The following GNL2 variants were observed in gnomAD, a reference collection of about 807,000 sequenced individuals.
GNL2 encodes G protein nucleolar 2, also known as nucleolar GTP-binding protein 2.
In GNL2, 51 loss-of-function variants were observed where a neutral mutation model predicts 92.3. The ratio of observed to expected loss-of-function variants is 0.55; its 90% CI spans 0.44 to 0.70. GNL2 has a LOEUF of 0.70. Ranked by LOEUF, GNL2 falls within the 30% of genes least tolerant of loss-of-function variation. The pLI is 0.00. For synonymous variants in GNL2, 283 were observed against 300.6 expected (o/e 0.94, Z 0.61); for missense variants, 844 against 895.6 (o/e 0.94, Z 0.74).
At chr1:37,582,511 C>G (rs931697584) in intron 7 of GNL2, among the ~76,000 whole-genome samples, 175 bp from the exon 8 acceptor site, 2 of 152,202 alleles carry the variant, frequency 1.3e-5, no homozygotes, top group Non-Finnish European at 2.9e-5. Context: ...CTTTGTTCTT[C>G]TGTCTTATAA....
chr1:37,573,728 G>C (rs1338095795), intron 12 of GNL2, among the ~76,000 whole-genome samples: 1 of 152,140 alleles, frequency 6.6e-6, no homozygotes, highest in Non-Finnish European at 1.5e-5. Context: ...CTTTTTCCAA[G>C]GCCCTAAAGG....
At chr1:37,574,983 G>C (rs111712310) in intron 10 of GNL2, among the ~76,000 whole-genome samples, 160 bp from the exon 11 acceptor site, 3,063 of 152,298 alleles carry the variant, frequency 0.02, 38 homozygotes, top group Non-Finnish European at 0.028. Context: ...ATGGTCAGCT[G>C]CAAGGAGCAC....
chr1:37,578,056 G>C (rs1202544711), intron 8 of GNL2, among the ~76,000 whole-genome samples: 1 of 152,180 alleles, frequency 6.6e-6, no homozygotes. Flanking sequence ...TAGAGCTAGA[G>C]ATTGAAAGAT....
Position 37,583,853 on chromosome 1 carries a change from T to C in GNL2, c.636+14A>G. 1.4e-6 allele frequency: 2 copies of C among 1,455,030 alleles called. No individual in the cohort carries two copies. The highest frequency in any genetic ancestry group is 1.9e-6 in the Non-Finnish European group (2 of 1,034,380). 90.1% of individuals were successfully genotyped at this position (1,455,030 alleles called of 1,614,324 possible). On this transcript the variant is annotated intron_variant, in intron 6 of 15. Transcript: ENST00000373062. ...CAAGGAACCACTCAATGGGAGAGAA[T>C]TTAGGAGTCTTACCTTGTAGAGCTC...
At chr1:37,586,795 G>A (rs993836496) in intron 5 of GNL2, among the ~76,000 whole-genome samples, 3 of 152,118 alleles carry the variant, frequency 2.0e-5, no homozygotes, top group Non-Finnish European at 4.4e-5. Flanking sequence ...AGAGACCTTT[G>A]TCAATCAAGC....
intron 12 of GNL2, chr1:37,570,220 G>A (rs1261721670): frequency 1.3e-5 from 2 of 152,144 alleles, no homozygotes; most frequent in East Asian, 1.9e-4. Context: ...GGATCTCGGG[G>A]ATGGGTTCGT....
chr1:37,567,666 CACTT>C lies in GNL2; in HGVS notation c.2043+3_2043+6del. ...CTTGGGCCATACTTAAAACCTATGA[CACTT>C]ACTTCTTTTGATGTAAGCGCCCTGG... On this transcript the variant is annotated splice_donor_5th_base_variant and intron_variant, in intron 15 of 15. Transcript: ENST00000373062. 3 of 1,583,290 alleles carry C rather than the reference CACTT, an allele frequency of 1.9e-6. No homozygotes were observed. The highest frequency in any genetic ancestry group is 2.6e-6 in the Non-Finnish European group (3 of 1,151,984).
In GNL2 at chr1:37,575,326, A is replaced by C. The variant is rs748069788; in HGVS notation, c.1143+269T>G. Among the ~76,000 whole-genome samples the C allele has an allele frequency of 4.6e-5, 7 of 152,252 alleles. No individual in the cohort carries two copies. The highest frequency in any genetic ancestry group is 8.8e-5 in the Non-Finnish European group (6 of 68,046). On this transcript the variant is annotated intron_variant, in intron 10 of 15. Transcript: ENST00000373062. The surrounding 1 kb of genome is among the most constrained non-coding windows in gnomAD (Gnocchi z 4.1). The stretch of plus-strand genomic sequence containing the variant: ...AACCCACGAAGACGAATTATCGCTA[A>C]GCATAAACAGGCCCTGCTTCCCTTT...
rs1236461215 is a variant in GNL2, at chr1:37,575,405, G to GC, written c.1143+189dup. Among the ~76,000 whole-genome samples, 2 of 152,204 alleles carry GC rather than the reference G, an allele frequency of 1.3e-5. No individual in the cohort carries two copies. Among genetic ancestry groups the GC allele is most frequent in the African/African-American group, 4.8e-5 (2 of 41,442 alleles). On this transcript the variant is annotated intron_variant, in intron 10 of 15. Transcript: ENST00000373062. This position sits in a 1 kb window ranked among gnomAD's most constrained non-coding sequence, Gnocchi z 4.1. The stretch of plus-strand genomic sequence containing the variant: ...TTGTGGGATGATATTGACCAGATAT[G>GC]CCCATGGTTCCACTAATTCCTCAAA...
chr1:37,587,572 A>G lies in GNL2; in HGVS notation c.385-77T>C. Reference sequence around the variant, plus strand: ...GCAAAAAGCTCAACACCCACCTAGGAAAGACTTTCTGATTTTATTTTTCCA... The same window carrying G: ...GCAAAAAGCTCAACACCCACCTAGGGAAGACTTTCTGATTTTATTTTTCCA... On this transcript the variant is annotated intron_variant, in intron 4 of 15. Transcript: ENST00000373062. 3 of 890,884 alleles carry G rather than the reference A, an allele frequency of 3.4e-6. No individual in the cohort carries two copies. In the South Asian group the frequency reaches 5.2e-5, roughly 15 times the overall value. 55.2% of individuals were successfully genotyped at this position (890,884 alleles called of 1,614,324 possible). A position where few individuals can be genotyped will look rare whatever the true frequency, so the allele number is the denominator to read the frequency against.
chr1:37,575,646 A>C lies in GNL2; in HGVS notation c.1092T>G (p.Gly364=). ...MRRIFLIDCP[G]VVYPSEDSET... ...CGGAGTCCTCAGAGGGGTAAACCAC[A>C]CCTGGACAGTCAATCAGGAATATCC... Residue 364 remains glycine, a synonymous_variant, in exon 10 of 16, where the codon GGT becomes GGG. Transcript: ENST00000373062. This position sits in a 1 kb window ranked among gnomAD's most constrained non-coding sequence, Gnocchi z 4.1. The C allele has an allele frequency of 6.2e-7, 1 of 1,602,338 alleles. No homozygotes were observed. Among genetic ancestry groups the C allele is most frequent in the South Asian group, 1.1e-5 (1 of 89,048 alleles).
At chr1:37,583,136 G>A (rs943618248) in intron 6 of GNL2, 200 bp from the exon 7 acceptor site, 15 of 387,544 alleles carry the variant, frequency 3.9e-5, no homozygotes, top group Non-Finnish European at 5.9e-5. Flanking sequence ...TTTGAAACCT[G>A]CTGAATTTAA....
chr1:37,590,712 C>A lies in GNL2; in HGVS notation c.378G>T (p.Arg126=). 4.3e-6 allele frequency: 7 copies of A among 1,613,276 alleles called. No homozygotes were observed. The highest frequency in any genetic ancestry group is 5.9e-6 in the Non-Finnish European group (7 of 1,179,224). Residue 126 remains arginine, a synonymous_variant, in exon 4 of 16, where the codon CGG becomes CGT. Coordinates refer to ENST00000373062, the MANE Select transcript of GNL2 (RefSeq NM_013285.3). ...LPMSLLHDRI[R]PHNLKVHILD... is the part of the protein sequence containing the mutation. Reference sequence around the variant, plus strand: ...GGGATATCCTACATCTTACATGAGGCCGGATTCGATCATGGAGAAGAGACA... The same window carrying A: ...GGGATATCCTACATCTTACATGAGGACGGATTCGATCATGGAGAAGAGACA...
At position 37,575,873 on chromosome 1, in the gene GNL2, TC is replaced by T. The variant is rs1256605522; in HGVS notation, c.1039-175del. On this transcript the variant is annotated intron_variant, in intron 9 of 15. Coordinates refer to ENST00000373062, the MANE Select transcript of GNL2 (RefSeq NM_013285.3). The surrounding 1 kb of genome is among the most constrained non-coding windows in gnomAD (Gnocchi z 4.1). ...TCATCTGTGCCGTGCACAAGATACT[TC>T]CACTAAGTGTAAACTATAGTTTCCA... 1.3e-5 allele frequency among the ~76,000 whole-genome samples: 2 copies of T among 152,316 alleles called. No homozygotes were observed. The highest frequency in any genetic ancestry group is 4.8e-5 in the African/African-American group (2 of 41,568).
At chr1:37,594,981 G>A (rs1643912560) in intron 1 of GNL2, among the ~76,000 whole-genome samples, 1 of 152,194 alleles carries the variant, frequency 6.6e-6, no homozygotes, top group East Asian at 1.9e-4. Context: ...TTGCAATTAT[G>A]ACAGGCCACT....
chr1:37,567,904 G>T, intron 14 of GNL2, 140 bp from the exon 15 acceptor site: 1 of 651,754 alleles, frequency 1.5e-6, no homozygotes, highest in South Asian at 1.8e-5. Context: ...AGTAAAGCAG[G>T]CCAAGGGGAG....
In GNL2 at chr1:37,569,296, G is replaced by A; in HGVS notation, c.1423C>T (p.Pro475Ser). The A allele has an allele frequency of 6.2e-7, 1 of 1,606,134 alleles. No homozygotes were observed. The highest frequency in any genetic ancestry group is 8.5e-7 in the Non-Finnish European group (1 of 1,176,840). The change falls in exon 13 of 16, where the codon CCC (proline) becomes TCC (serine). Residue 475 changes from proline to serine, a missense_variant. Coordinates refer to ENST00000373062, the MANE Select transcript of GNL2 (RefSeq NM_013285.3). ...AEPLVAPQLL[P>S]SSSLEVVPEA... ...GGGACAACTTCCAAAGATGAGGAGGGTAGAAGCTATTAAGGGGTGGAAATG... is the reference window on the plus strand; with the variant it reads ...GGGACAACTTCCAAAGATGAGGAGGATAGAAGCTATTAAGGGGTGGAAATG...
chr1:37,577,107 CAAA>C (rs544174738), intron 8 of GNL2, among the ~76,000 whole-genome samples: 3 of 91,168 alleles, frequency 3.3e-5, no homozygotes. Context: ...ACTCCAGTCT[CAAA>C]AAAAAAAAAA....
At position 37,582,872 on chromosome 1, in the gene GNL2, G is replaced by C. The variant is rs142907333; in HGVS notation, c.701C>G (p.Ser234Cys). ...LDARDPMGTRSPHIETYLKKE... is the reference protein window; with the variant it reads ...LDARDPMGTRCPHIETYLKKE... ...CTTCAGGTAAGTTTCAATGTGAGGG[G>C]AACGAGTACCCATTGGATCTCTAGC... The change falls in exon 7 of 16, where the codon TCC becomes TGC. Residue 234 changes from serine (S) to cysteine (C), a missense_variant. Coordinates refer to ENST00000373062, the MANE Select transcript of GNL2 (RefSeq NM_013285.3). 4.5e-4 allele frequency: 727 copies of C among 1,610,458 alleles called. 1 individual carries two copies. In the Middle Eastern group the frequency reaches 5.6e-3, roughly 12 times the overall value.
Sources: allele counts gnomAD v4.1 joint callset (sites outside exome capture counted in the v4.1 genomes callset), GRCh38; gene constraint gnomAD v4.1.1; non-coding constraint Gnocchi (gnomAD v3.1); transcripts MANE v1.5; gene names NCBI Gene and HGNC (gene_info 2026-07-23, HGNC 2026-07-21).